LRRC37A2: variants seen among roughly 807,000 people sequenced by gnomAD.
LRRC37A2 encodes leucine rich repeat containing 37 member A2, also known as leucine-rich repeat-containing protein 37A2.
In LRRC37A2, 9 loss-of-function variants were observed where a neutral mutation model predicts 68.8. The ratio of observed to expected loss-of-function variants is 0.13; its 90% CI spans 0.08 to 0.23. The LOEUF is 0.23. Ranked by LOEUF, LRRC37A2 falls within the 10% of genes least tolerant of loss-of-function variation. The pLI, the probability that LRRC37A2 is intolerant of heterozygous loss-of-function variation, is 1.00. For missense variants in LRRC37A2, 168 were observed against 950.4 expected, an observed-to-expected ratio of 0.18 and a Z score of 10.82; for synonymous variants, 63 against 367.6, an observed-to-expected ratio of 0.17 and a Z score of 9.48.
the LRRC37A2 span, chr17:46,729,020 GT>G: frequency 1.2e-6 from 1 of 829,924 alleles, no homozygotes; most frequent in Non-Finnish European, 1.9e-6. Flanking sequence ...AAATAAGCAG[GT>G]TATCATAAAC....
chr17:46,709,258 G>T, the LRRC37A2 span, among the ~76,000 whole-genome samples: 1 of 151,904 alleles, frequency 6.6e-6, no homozygotes, highest in Non-Finnish European at 1.5e-5. Flanking sequence ...GTAACTCCAA[G>T]ATTTTTTTAA....
the LRRC37A2 span, among the ~76,000 whole-genome samples, chr17:46,946,282 CA>C: frequency 0.37 from 45,851 of 122,728 alleles, 7,722 homozygotes; most frequent in East Asian, 0.44. Context: ...CTAAAAATAC[CA>C]AAAAAAAAAA....
At chr17:46,771,873 C>A in the LRRC37A2 span, among the ~76,000 whole-genome samples, 6 of 144,740 alleles carry the variant, frequency 4.1e-5, no homozygotes, top group Non-Finnish European at 7.7e-5. Context: ...CCAGGCCCCT[C>A]CGGCGCCCGC....
intron 6 of LRRC37A2, among the ~76,000 whole-genome samples, chr17:46,527,925 TA>T (rs1410178816): frequency 9.5e-6 from 1 of 105,816 alleles, no homozygotes; most frequent in Non-Finnish European, 2.1e-5. Context: ...ACACGGCTAA[TA>T]AGTGGCAGAA....
chr17:46,832,270 G>A, the LRRC37A2 span, among the ~76,000 whole-genome samples: 4 of 152,120 alleles, frequency 2.6e-5, no homozygotes, highest in South Asian at 4.2e-4. Context: ...TTGACCCCTC[G>A]GAGCCCCCAC....
At chr17:46,954,817 G>T in the LRRC37A2 span, among the ~76,000 whole-genome samples, 1 of 151,970 alleles carries the variant, frequency 6.6e-6, no homozygotes, top group East Asian at 1.9e-4. Flanking sequence ...TCATGATTTG[G>T]CTGTCTGTTA....
the LRRC37A2 span, among the ~76,000 whole-genome samples, chr17:46,904,446 CTGGATGGATGGATGGATGGATGGATGGA>C: frequency 7.3e-6 from 1 of 136,958 alleles, no homozygotes; most frequent in Non-Finnish European, 1.6e-5. Flanking sequence ...GGCTGGCTGA[CTGGATGGATGGATGGATGGATGGATGGA>C]TGGATGGATG....
At chr17:46,721,059 C>T in the LRRC37A2 span, among the ~76,000 whole-genome samples, 3 of 152,174 alleles carry the variant, frequency 2.0e-5, no homozygotes, top group Non-Finnish European at 4.4e-5. Context: ...CTTGCCGTGT[C>T]CTTGAGCACC....
At chr17:46,979,785 ACT>A in the LRRC37A2 span, among the ~76,000 whole-genome samples, 1 of 81,832 alleles carries the variant, frequency 1.2e-5, no homozygotes, top group East Asian at 4.6e-4. Flanking sequence ...AAAATAAATT[ACT>A]GTTTTTTTCT....
intron 11 of LRRC37A2, among the ~76,000 whole-genome samples, chr17:46,551,431 TCCAGCCACAGCAGCCCCTCACCAAACC>T (rs1441798387): frequency 6.7e-6 from 1 of 149,488 alleles, no homozygotes; most frequent in Non-Finnish European, 1.5e-5. Context: ...AGCCCTCCAT[TCCAGCCACAGCAGCCCCTCACCAAACC>T]CCAGTCACAC....
the LRRC37A2 span, among the ~76,000 whole-genome samples, chr17:46,903,871 A>C: frequency 6.6e-4 from 98 of 147,430 alleles, no homozygotes; most frequent in African/African-American, 2.2e-3. Context: ...TGTAGGGATG[A>C]GTGGGTGGGT....
At chr17:46,916,087 C>T in the LRRC37A2 span, among the ~76,000 whole-genome samples, 4 of 152,198 alleles carry the variant, frequency 2.6e-5, no homozygotes, top group African/African-American at 9.7e-5. Context: ...GGTACCCCAC[C>T]TCCAGCTGGT....
At chr17:46,834,606 G>A in the LRRC37A2 span, among the ~76,000 whole-genome samples, 1 of 152,126 alleles carries the variant, frequency 6.6e-6, no homozygotes, top group South Asian at 2.1e-4. Context: ...GTAGGTAGGG[G>A]CTCAGCCCTG....
At chr17:46,845,128 C>G in the LRRC37A2 span, among the ~76,000 whole-genome samples, 1 of 152,158 alleles carries the variant, frequency 6.6e-6, no homozygotes, top group African/African-American at 2.4e-5. Context: ...GGATTACAGG[C>G]GTAAGCCACA....
the LRRC37A2 span, among the ~76,000 whole-genome samples, chr17:46,787,096 CT>C: frequency 6.6e-6 from 1 of 152,164 alleles, no homozygotes; most frequent in South Asian, 2.1e-4. Flanking sequence ...TGCCACTATG[CT>C]CTGCTAAGTT....
chr17:46,790,272 A>C, the LRRC37A2 span, among the ~76,000 whole-genome samples: 3 of 152,202 alleles, frequency 2.0e-5, no homozygotes, highest in African/African-American at 7.2e-5. Context: ...ATCTGGGTTC[A>C]TTACAGACCC....
the LRRC37A2 span, among the ~76,000 whole-genome samples, chr17:46,844,107 CA>C: frequency 6.7e-3 from 1,025 of 152,168 alleles, 15 homozygotes; most frequent in Non-Finnish European, 0.011. Context: ...GCATGTGCCA[CA>C]ATGCCTGGCT....
the LRRC37A2 span, among the ~76,000 whole-genome samples, chr17:47,020,826 T>C: frequency 6.4e-5 from 6 of 93,436 alleles, no homozygotes; most frequent in South Asian, 3.8e-4. Context: ...AGAAAGAGAA[T>C]AGGCATAAAA....
the LRRC37A2 span, among the ~76,000 whole-genome samples, chr17:46,859,670 A>C: frequency 6.6e-6 from 1 of 152,192 alleles, no homozygotes; most frequent in Non-Finnish European, 1.5e-5. Context: ...TGCATGGGCT[A>C]TTCAGGGTCA....
Sources: gnomAD v4.1 joint callset for allele counts (sites outside exome capture counted in the v4.1 genomes callset) on GRCh38, gnomAD v4.1.1 for gene constraint, MANE v1.5 for transcripts, NCBI Gene and HGNC (gene_info 2026-07-23, HGNC 2026-07-21) for gene names.